Variants in AAGAB observed in about 807,000 individuals in gnomAD.
AAGAB encodes alpha and gamma adaptin binding protein.
In AAGAB, 38 loss-of-function variants were observed where a neutral mutation model predicts 44.1. The ratio of observed to expected loss-of-function variants is 0.86; its 90% CI spans 0.67 to 1.13. The LOEUF (loss-of-function observed/expected upper bound fraction) is 1.13, where lower values mean the gene tolerates loss of function less well. AAGAB is among the 50% of genes most tolerant of loss of function. The probability of loss-of-function intolerance (pLI) is 0.00; values close to 1 mark genes in which losing one functional copy is unlikely to be tolerated. For synonymous variants in AAGAB, 131 were observed against 131.8 expected, an observed-to-expected ratio of 0.99 and a Z score of 0.04; for missense variants, 450 against 373.8, an observed-to-expected ratio of 1.20 and a Z score of -1.68.
chr15:67,232,502 G>C lies in AAGAB; in HGVS notation c.452-605C>G, dbSNP rs1447115913. ...AGTTCATGACCAACCAACTACTTCA[G>C]TGAAAACAAATGGTCATTGATGTCC... On this transcript the variant is annotated intron_variant, in intron 4 of 9. Coordinates refer to ENST00000261880, the MANE Select transcript of AAGAB (RefSeq NM_024666.5). The C allele has an allele frequency of 1.5e-5, 5 of 343,822 alleles. No homozygotes were observed. In the East Asian group the frequency reaches 3.8e-4, roughly 26 times the overall value. The allele number at this position is 343,822 out of a possible 1,614,324, so 21.3% of individuals were successfully genotyped here. A position where few individuals can be genotyped will look rare whatever the true frequency, so the allele number is the denominator to read the frequency against.
intron 4 of AAGAB, among the ~76,000 whole-genome samples, chr15:67,233,188 T>G (rs1476649217): frequency 6.6e-6 from 1 of 152,222 alleles, no homozygotes; most frequent in Non-Finnish European, 1.5e-5. Flanking sequence ...AGTGTTATTT[T>G]TGATCGATAC....
intron 1 of AAGAB, chr15:67,242,785 A>G (rs995023759): frequency 2.6e-5 from 4 of 152,188 alleles, no homozygotes; most frequent in African/African-American, 9.7e-5. Flanking sequence ...AGTTTATATG[A>G]CAGGTCGATC....
chr15:67,207,414 A>T (rs1963710823), intron 7 of AAGAB, among the ~76,000 whole-genome samples: 1 of 152,234 alleles, frequency 6.6e-6, no homozygotes. Flanking sequence ...TCATACTGAT[A>T]CATTAGATTC....
At position 67,217,575 on chromosome 15, in the gene AAGAB, A is replaced by G. The variant is rs144101912; in HGVS notation, c.536-8031T>C. On this transcript the variant is annotated intron_variant, in intron 5 of 9. Transcript: ENST00000261880. ...TTTTTTTGAAATGGAGTCTCGCTCT[A>G]TCACCAGGCTGGAGTGCAGTGCTGT... 2.6e-3 allele frequency among the ~76,000 whole-genome samples: 392 copies of G among 152,210 alleles called. 5 individuals are homozygous for G. Among genetic ancestry groups the G allele is most frequent in the East Asian group, 0.012 (62 of 5,186 alleles).
At chr15:67,243,179 C>T (rs1313417992) in intron 1 of AAGAB, among the ~76,000 whole-genome samples, 2 of 151,920 alleles carry the variant, frequency 1.3e-5, no homozygotes, top group Admixed American at 6.6e-5. Flanking sequence ...GGGGTCTCTG[C>T]TTGCTTTTAG....
intron 5 of AAGAB, among the ~76,000 whole-genome samples, chr15:67,214,344 C>T (rs1388432039): frequency 6.6e-6 from 1 of 152,240 alleles, no homozygotes; most frequent in Non-Finnish European, 1.5e-5. Context: ...GCATTGGTCA[C>T]ATAAAACAAA....
chr15:67,227,120 T>G (rs942536680), intron 5 of AAGAB, among the ~76,000 whole-genome samples: 3 of 152,236 alleles, frequency 2.0e-5, no homozygotes, highest in Non-Finnish European at 2.9e-5. Flanking sequence ...TGTACAAAAT[T>G]AGTGGCATGA....
intron 1 of AAGAB, among the ~76,000 whole-genome samples, chr15:67,243,491 G>A (rs1051078866): frequency 1.3e-5 from 2 of 152,086 alleles, no homozygotes; most frequent in African/African-American, 4.8e-5. Flanking sequence ...GGGGACAAAG[G>A]TCAACACCTT....
At chr15:67,222,236 G>GCACACACA (rs1428034588) in intron 5 of AAGAB, among the ~76,000 whole-genome samples, 28 of 39,228 alleles carry the variant, frequency 7.1e-4, no homozygotes, top group African/African-American at 2.3e-3. Flanking sequence ...GCGCACGCGC[G>GCACACACA]CGCGCGCACA....
chr15:67,255,053 T>G, upstream of AAGAB: 1 of 1,113,060 alleles, frequency 9.0e-7, no homozygotes, highest in South Asian at 1.3e-5. Context: ...GCGCCGCCCC[T>G]AGACTCCCTC....
At chr15:67,230,972 A>G (rs1964321097) in intron 5 of AAGAB, among the ~76,000 whole-genome samples, 1 of 152,166 alleles carries the variant, frequency 6.6e-6, no homozygotes, top group Non-Finnish European at 1.5e-5. Flanking sequence ...AACTCTCCTG[A>G]CTGGCATTCA....
chr15:67,220,626 A>G (rs1014044184), intron 5 of AAGAB: 3 of 152,232 alleles, frequency 2.0e-5, no homozygotes, highest in Non-Finnish European at 4.4e-5. Flanking sequence ...ATACACTATC[A>G]TGCCAAACAA....
intron 7 of AAGAB, among the ~76,000 whole-genome samples, chr15:67,204,518 C>T (rs1476466150): frequency 6.6e-6 from 1 of 152,100 alleles, no homozygotes; most frequent in Non-Finnish European, 1.5e-5. Flanking sequence ...CCAATAATGA[C>T]TAAAGTTTAT....
At position 67,241,061 on chromosome 15, in the gene AAGAB, ACACACACAC is replaced by A. The variant is rs1884803083; in HGVS notation, c.74-4250_74-4242del. On this transcript the variant is annotated intron_variant, in intron 1 of 9. Coordinates refer to ENST00000261880, the MANE Select transcript of AAGAB (RefSeq NM_024666.5). Reference sequence around the variant, plus strand: ...CTCCTACACACACACACACACACACACACACACACATTTTATCTATATATAAACATGCAC... The same window carrying A: ...CTCCTACACACACACACACACACACAATTTTATCTATATATAAACATGCAC... 2.6e-5 allele frequency among the ~76,000 whole-genome samples: 4 copies of A among 151,808 alleles called. No individual in the cohort carries two copies. In the South Asian group the frequency reaches 8.3e-4, roughly 32 times the overall value.
At chr15:67,211,517 ATG>A (rs1353541904) in intron 5 of AAGAB, among the ~76,000 whole-genome samples, 1 of 152,208 alleles carries the variant, frequency 6.6e-6, no homozygotes, top group Admixed American at 6.5e-5. Flanking sequence ...CTTTTGGCCA[ATG>A]TGTTATTGAT....
intron 1 of AAGAB, among the ~76,000 whole-genome samples, chr15:67,250,656 C>T (rs984464546): frequency 1.3e-5 from 2 of 152,248 alleles, no homozygotes; most frequent in South Asian, 2.1e-4. Flanking sequence ...AGAGCTCTGG[C>T]CATGGAGTAG....
intron 5 of AAGAB, among the ~76,000 whole-genome samples, chr15:67,211,714 T>C (rs896936729): frequency 5.9e-5 from 9 of 152,172 alleles, no homozygotes; most frequent in Non-Finnish European, 8.8e-5. Flanking sequence ...TTGGGTAATT[T>C]TCAAATTCAG....
rs1963761689 is a variant in AAGAB at position 67,209,515 on chromosome 15, A to G, written c.565T>C (p.Ser189Pro). 1.2e-6 allele frequency: 2 copies of G among 1,614,064 alleles called. No homozygotes were observed. The highest frequency in any genetic ancestry group is 1.7e-6 in the Non-Finnish European group (2 of 1,180,014). ...ATGCTATGGTTTGTTCCAGTCAATG[A>G]GTTGAGAAGGCTAAAGCCTTGGTTC... ...DRNQGFSLLN[S>P]LTGTNHSIGS... is the part of the protein sequence containing the mutation. The change falls in exon 6 of 10, where the codon TCA becomes CCA. Residue 189 changes from serine to proline, a missense_variant. By Grantham distance (74) the Ser-to-Pro change is moderately conservative. Transcript: ENST00000261880.
chr15:67,215,164 G>A (rs1963914281), intron 5 of AAGAB, among the ~76,000 whole-genome samples: 1 of 152,044 alleles, frequency 6.6e-6, no homozygotes, highest in Non-Finnish European at 1.5e-5. Flanking sequence ...GAACATGCTA[G>A]TATTAATACT....
Sources: gnomAD v4.1 joint callset for allele counts (sites outside exome capture counted in the v4.1 genomes callset) on GRCh38, gnomAD v4.1.1 for gene constraint, MANE v1.5 for transcripts, NCBI Gene and HGNC (gene_info 2026-07-23, HGNC 2026-07-21) for gene names.